CACNB2: variants seen among roughly 807,000 people sequenced by gnomAD.
CACNB2 encodes the protein voltage-dependent L-type calcium channel subunit beta-2.
Under a neutral mutation model 73.3 loss-of-function variants are expected in CACNB2, and 42 were observed. That is an observed-to-expected ratio of 0.57 (90% CI 0.45 to 0.74). CACNB2 has a LOEUF of 0.74. Among genes scored for constraint, CACNB2 ranks in the 30% least tolerant of loss-of-function variants. CACNB2 has a pLI of 0.00. For synonymous variants in CACNB2, 348 were observed against 310.3 expected (o/e 1.12, Z -1.28); for missense variants, 940 against 853.0 (o/e 1.10, Z -1.27).
intron 2 of CACNB2, among the ~76,000 whole-genome samples, chr10:18,272,770 G>T (rs575303714): frequency 2.0e-5 from 3 of 152,126 alleles, no homozygotes; most frequent in African/African-American, 4.8e-5. Flanking sequence ...TGAGGCCTCC[G>T]CAGCCATGAA....
chr10:18,319,882 G>C (rs1451388422), intron 2 of CACNB2, among the ~76,000 whole-genome samples: 2 of 152,144 alleles, frequency 1.3e-5, no homozygotes, highest in African/African-American at 4.8e-5. Context: ...AAGGCCCTGA[G>C]GAAGAGTGAG....
At chr10:18,524,528 A>T (rs189235700) in intron 9 of CACNB2, among the ~76,000 whole-genome samples, 186 of 151,860 alleles carry the variant, frequency 1.2e-3, no homozygotes, top group Admixed American at 4.9e-3. Flanking sequence ...AATGGTGGGC[A>T]CCTGTAATCC....
chr10:18,209,719 G>A (rs1458148690), intron 2 of CACNB2, among the ~76,000 whole-genome samples: 1 of 151,836 alleles, frequency 6.6e-6, no homozygotes, highest in Non-Finnish European at 1.5e-5. Flanking sequence ...TGCTTTTAGG[G>A]CACCATAATA....
intron 2 of CACNB2, among the ~76,000 whole-genome samples, chr10:18,355,387 T>G (rs1447987038): frequency 6.6e-6 from 1 of 151,830 alleles, no homozygotes; most frequent in Non-Finnish European, 1.5e-5. Flanking sequence ...TGTATCGTCG[T>G]TTTTTTAAAA....
intron 2 of CACNB2, among the ~76,000 whole-genome samples, chr10:18,174,875 A>G (rs1375385951): frequency 6.6e-6 from 1 of 152,236 alleles, no homozygotes; most frequent in African/African-American, 2.4e-5. Context: ...TGTTTAAAAT[A>G]CTAATTCATT....
intron 2 of CACNB2, among the ~76,000 whole-genome samples, chr10:18,334,339 A>G (rs561493619): frequency 6.6e-6 from 1 of 152,214 alleles, no homozygotes; most frequent in South Asian, 2.1e-4. Flanking sequence ...ATCACAGAAT[A>G]ACTGGGCACT....
In CACNB2 at chr10:18,491,819, T is replaced by TAAAAAAAAAA. The variant is rs68179779; in HGVS notation, c.334-6517_334-6508dup. ...TATTCCCTTGGAACTTCAAGTTGGT[T>TAAAAAAAAAA]AAAAAAAAAAAAAAAAAAAAAAAAA... On this transcript the variant is annotated intron_variant, in intron 3 of 13. Coordinates refer to ENST00000324631, the MANE Select transcript of CACNB2 (RefSeq NM_201596.3). Among the ~76,000 whole-genome samples the TAAAAAAAAAA allele has an allele frequency of 1.7e-4, 11 of 65,590 alleles. 3 individuals are homozygous for TAAAAAAAAAA. Among genetic ancestry groups the TAAAAAAAAAA allele is most frequent in the African/African-American group, 4.0e-4 (8 of 20,046 alleles). 43.0% of individuals were successfully genotyped at this position (65,590 alleles called of 152,430 possible).
chr10:18,234,701 C>A (rs1279398833), intron 2 of CACNB2, among the ~76,000 whole-genome samples: 11 of 151,940 alleles, frequency 7.2e-5, no homozygotes, highest in Non-Finnish European at 1.6e-4. Context: ...ATGGTGGTTC[C>A]CAGGGAATGG....
rs117546984 is a variant in CACNB2, at chr10:18,286,097, A to G, written c.214-115827A>G. 1.5e-3 allele frequency among the ~76,000 whole-genome samples: 225 copies of G among 152,358 alleles called. 2 individuals are homozygous for G. The highest frequency in any genetic ancestry group is 2.5e-3 in the Non-Finnish European group (168 of 68,030). ...ATTGATGGGCACAATTATAATTTTG[A>G]AGTACCAATAAACATAATCATTTTC... is the stretch of plus-strand genomic sequence containing the variant. On this transcript the variant is annotated intron_variant, in intron 2 of 13. Coordinates refer to ENST00000324631, the MANE Select transcript of CACNB2 (RefSeq NM_201596.3).
At position 18,238,025 on chromosome 10, in the gene CACNB2, T is replaced by C. The variant is rs539141960; in HGVS notation, c.213+87050T>C. Among the ~76,000 whole-genome samples, 3 of 152,316 alleles carry C rather than the reference T, an allele frequency of 2.0e-5. No homozygotes were observed. The East Asian group carries it at 5.8e-4, about 29-fold the overall frequency. On this transcript the variant is annotated intron_variant, in intron 2 of 13. Transcript: ENST00000324631. ...CGTGGAGCATATCCTAGTTTGGACCTCATGTTGTCTTGCTCTCTAGAGTTC... is the reference window on the plus strand; with the variant it reads ...CGTGGAGCATATCCTAGTTTGGACCCCATGTTGTCTTGCTCTCTAGAGTTC...
intron 2 of CACNB2, chr10:18,261,883 C>CT (rs1346110728): frequency 7.8e-6 from 4 of 513,852 alleles, no homozygotes; most frequent in South Asian, 1.4e-5. Context: ...AAATGGCTGT[C>CT]TGAGTATTAA....
chr10:18,440,167 T>C (rs572268433), intron 3 of CACNB2, among the ~76,000 whole-genome samples: 11 of 152,246 alleles, frequency 7.2e-5, no homozygotes, highest in Non-Finnish European at 1.5e-4. Flanking sequence ...CAAAAAAGGA[T>C]GGACAGGCTC....
chr10:18,453,297 A>T lies in CACNB2; in HGVS notation c.334-45058A>T, dbSNP rs116425464. Among the ~76,000 whole-genome samples, 1,241 of 152,268 alleles carry T rather than the reference A, an allele frequency of 8.2e-3. 15 individuals carry two copies. The highest frequency in any genetic ancestry group is 0.029 in the African/African-American group (1,186 of 41,546). On this transcript the variant is annotated intron_variant, in intron 3 of 13. Coordinates refer to ENST00000324631, the MANE Select transcript of CACNB2 (RefSeq NM_201596.3). ...CTGTCTATTACTCTTAGACAAATCA[A>T]ACTCCTTCTCATGGTTTAAAAGGCA...
rs769211879 is a variant in CACNB2 at position 18,150,879 on chromosome 10, T to TTTTTTTTTTTTTTTTTTTTG, written c.121-3_121-2insTTTTTTTTTTTTTTTTTTGT. 57 of 1,259,880 alleles carry TTTTTTTTTTTTTTTTTTTTG rather than the reference T, an allele frequency of 4.5e-5. 5 individuals carry two copies. The highest frequency in any genetic ancestry group is 2.0e-4 in the East Asian group (8 of 39,626). The allele number at this position is 1,259,880 out of a possible 1,614,324, so 78.0% of individuals were successfully genotyped here. A position where few individuals can be genotyped will look rare whatever the true frequency, so the allele number is the denominator to read the frequency against. ...TCTTTTTTTTTTTTTTTTTTTTTTT[T>TTTTTTTTTTTTTTTTTTTTG]TAGTCATATGGAAAAGGAGCCAGAA... On this transcript the variant is annotated splice_polypyrimidine_tract_variant and splice_region_variant and intron_variant, in intron 1 of 13. Transcript: ENST00000324631.
chr10:18,389,673 T>A (rs756806150), intron 2 of CACNB2, among the ~76,000 whole-genome samples: 2 of 152,202 alleles, frequency 1.3e-5, no homozygotes, highest in Non-Finnish European at 2.9e-5. Context: ...CCTAGGTACA[T>A]CTAAATGCAT....
intron 3 of CACNB2, among the ~76,000 whole-genome samples, chr10:18,413,029 G>T (rs2044723955): frequency 6.6e-6 from 1 of 152,194 alleles, no homozygotes. Flanking sequence ...AGATTGCAGT[G>T]GCACGATCTT....
chr10:18,267,247 AT>A (rs1197072428), intron 2 of CACNB2, among the ~76,000 whole-genome samples: 5 of 152,202 alleles, frequency 3.3e-5, no homozygotes, highest in South Asian at 2.1e-4. Flanking sequence ...AAAATCCTTA[AT>A]TTTTTTCAGA....
chr10:18,450,706 G>A (rs1318882170), intron 3 of CACNB2, among the ~76,000 whole-genome samples: 2 of 146,956 alleles, frequency 1.4e-5, no homozygotes, highest in Admixed American at 7.0e-5. Context: ...CACTGCAGTC[G>A]CCGCCCCCTG....
At chr10:18,239,164 A>AT (rs903522962) in intron 2 of CACNB2, among the ~76,000 whole-genome samples, 4 of 152,152 alleles carry the variant, frequency 2.6e-5, no homozygotes, top group South Asian at 4.1e-4. Flanking sequence ...TTTATTTTTA[A>AT]TTTTTTTATT....
Sources: allele counts gnomAD v4.1 joint callset (sites outside exome capture counted in the v4.1 genomes callset), GRCh38; gene constraint gnomAD v4.1.1; transcripts MANE v1.5; gene names NCBI Gene and HGNC (gene_info 2026-07-23, HGNC 2026-07-21).